CPEB4: variants seen among roughly 807,000 people sequenced by gnomAD.
CPEB4 encodes cytoplasmic polyadenylation element binding protein 4, also known as cytoplasmic polyadenylation element-binding protein 4.
Under a neutral mutation model 72.5 loss-of-function variants are expected in CPEB4, and 12 were observed. That is an observed-to-expected ratio of 0.17 (90% CI 0.11 to 0.27). CPEB4 has a LOEUF of 0.27. CPEB4 is among the 10% of genes least tolerant of loss of function. The probability of loss-of-function intolerance (pLI) is 1.00; values close to 1 mark genes in which losing one functional copy is unlikely to be tolerated. For synonymous variants in CPEB4, 302 were observed against 326.3 expected (o/e 0.93, Z 0.80); for missense variants, 614 against 908.5 (o/e 0.68, Z 4.17).
chr5:173,946,522 C>T (rs1197024982), intron 5 of CPEB4, among the ~76,000 whole-genome samples: 5 of 152,140 alleles, frequency 3.3e-5, no homozygotes, highest in Non-Finnish European at 7.4e-5. Flanking sequence ...AGCAGAAATG[C>T]TGGCTTGCAA....
Position 173,889,919 on chromosome 5 carries a change from T to C in CPEB4, c.186T>C (p.Phe62=). The change falls in exon 1 of 10, where the codon TTT becomes TTC. Residue 62 remains phenylalanine (F), a synonymous_variant. Transcript: ENST00000265085. ...NGSSAGSAWL[F]PAPATHNIQD... ...GCAGTGCTGGGTCAGCTTGGCTTTT[T>C]CCTGCTCCAGCTACCCATAACATTC... The C allele has an allele frequency of 6.2e-7, 1 of 1,614,174 alleles. No homozygotes were observed.
rs1395793587 is a variant in CPEB4 at position 173,889,806 on chromosome 5, C to T, written c.73C>T (p.His25Tyr). The T allele has an allele frequency of 1.2e-6, 2 of 1,614,060 alleles. No individual in the cohort carries two copies. Among genetic ancestry groups the T allele is most frequent in the African/African-American group, 1.3e-5 (1 of 75,028 alleles). ...TAAATCTGCTTTTCCAGTCAGATTC[C>T]ATCCACATCTGCAGCCTCCACACCA... ...GNKSAFPVRF[H>Y]PHLQPPHHHQ... Residue 25 changes from histidine to tyrosine, a missense_variant, in exon 1 of 10, where the codon CAT (histidine) becomes TAT (tyrosine). Coordinates refer to ENST00000265085, the MANE Select transcript of CPEB4 (RefSeq NM_030627.4).
At chr5:173,953,481 A>G in intron 9 of CPEB4, 2 of 422,954 alleles carry the variant, frequency 4.7e-6, no homozygotes, top group Non-Finnish European at 8.3e-6. Context: ...GAACACTACA[A>G]TTTACTTGAG....
chr5:173,897,390 G>A (rs1756054123), intron 1 of CPEB4, among the ~76,000 whole-genome samples: 1 of 152,152 alleles, frequency 6.6e-6, no homozygotes, highest in South Asian at 2.1e-4. Flanking sequence ...TTTGAATTGA[G>A]AATAGTTTGG....
chr5:173,927,449 T>G (rs1180700699), intron 2 of CPEB4, among the ~76,000 whole-genome samples: 1 of 152,070 alleles, frequency 6.6e-6, no homozygotes, highest in Non-Finnish European at 1.5e-5. Flanking sequence ...AGTTGTTGCT[T>G]TGTAGCTACA....
chr5:173,934,994 A>G (rs1005165101), intron 3 of CPEB4, among the ~76,000 whole-genome samples: 1 of 152,228 alleles, frequency 6.6e-6, no homozygotes, highest in Admixed American at 6.5e-5. Flanking sequence ...CAAATCTGGC[A>G]TAATGAATTG....
intron 2 of CPEB4, among the ~76,000 whole-genome samples, chr5:173,924,402 A>G (rs1349277197): frequency 2.0e-5 from 3 of 152,164 alleles, no homozygotes; most frequent in African/African-American, 7.2e-5. Flanking sequence ...CAAGGACACT[A>G]GCAAATTCTC....
At chr5:173,912,863 G>T (rs1441116300) in intron 2 of CPEB4, among the ~76,000 whole-genome samples, 2 of 146,302 alleles carry the variant, frequency 1.4e-5, no homozygotes, top group Non-Finnish European at 3.0e-5. Flanking sequence ...GATCACTTGG[G>T]CCCAGAAGGT....
rs879894576 is a variant in CPEB4 at position 173,955,338 on chromosome 5, C to CT, written c.1963-557dup. ...TAGACTGTGAATCCTATGGCTGCAT[C>CT]TTTTTTTTTTTTTTTAACAGAGTTC... On this transcript the variant is annotated intron_variant, in intron 9 of 9. Transcript: ENST00000265085. This position sits in a 1 kb window ranked among gnomAD's most constrained non-coding sequence, Gnocchi z 4.7. 8.0e-3 allele frequency among the ~76,000 whole-genome samples: 1,134 copies of CT among 141,882 alleles called. 16 individuals are homozygous for CT. The highest frequency in any genetic ancestry group is 0.022 in the African/African-American group (849 of 38,876). The allele number at this position is 141,882 out of a possible 152,430, so 93.1% of individuals were successfully genotyped here.
chr5:173,901,966 G>T (rs538850913), intron 1 of CPEB4, among the ~76,000 whole-genome samples: 1 of 152,294 alleles, frequency 6.6e-6, no homozygotes, highest in Admixed American at 6.5e-5. Flanking sequence ...GGAGACATAA[G>T]GGAAAAGGGA....
chr5:173,949,436 C>A, intron 5 of CPEB4, 72 bp from the exon 6 acceptor site: 3 of 1,131,866 alleles, frequency 2.7e-6, no homozygotes, highest in South Asian at 1.4e-5. Flanking sequence ...AGATTTGAAA[C>A]TTAAAAGAAA....
intron 3 of CPEB4, among the ~76,000 whole-genome samples, chr5:173,942,619 A>G (rs1757885843): frequency 6.6e-6 from 1 of 152,230 alleles, no homozygotes; most frequent in African/African-American, 2.4e-5. Context: ...TGGTGGTGAA[A>G]AAGTCATGAA....
In CPEB4 at chr5:173,955,763, A is replaced by G; in HGVS notation, c.1963-147A>G. ...TTACTAGGTTCTTAAAAGATGAACT[A>G]TCCATATTTCAGTAAATGAATAATT... On this transcript the variant is annotated intron_variant, in intron 9 of 9. Transcript: ENST00000265085. This position sits in a 1 kb window ranked among gnomAD's most constrained non-coding sequence, Gnocchi z 4.7. 1 of 601,120 alleles carries G rather than the reference A, an allele frequency of 1.7e-6. No individual in the cohort carries two copies. The highest frequency in any genetic ancestry group is 2.4e-5 in the South Asian group (1 of 42,500). 37.2% of individuals were successfully genotyped at this position (601,120 alleles called of 1,614,324 possible).
intron 2 of CPEB4, among the ~76,000 whole-genome samples, chr5:173,924,981 C>A (rs570094629): frequency 2.6e-5 from 4 of 152,200 alleles, no homozygotes; most frequent in South Asian, 4.2e-4. Flanking sequence ...TGAATCAAAG[C>A]AAGGATGATG....
chr5:173,940,258 G>A (rs966044860), intron 3 of CPEB4, among the ~76,000 whole-genome samples: 1 of 152,174 alleles, frequency 6.6e-6, no homozygotes, highest in Non-Finnish European at 1.5e-5. Context: ...TTTGGTAACT[G>A]AAGGAAACTT....
intron 1 of CPEB4, among the ~76,000 whole-genome samples, chr5:173,891,797 A>T (rs899599684): frequency 6.6e-6 from 1 of 152,160 alleles, no homozygotes; most frequent in African/African-American, 2.4e-5. Context: ...GTATGATTAT[A>T]TGTGTTTAGG....
intron 1 of CPEB4, among the ~76,000 whole-genome samples, chr5:173,894,600 G>C (rs750446473): frequency 3.5e-5 from 5 of 141,866 alleles, no homozygotes; most frequent in Non-Finnish European, 7.5e-5. Context: ...TAGCCTGGGG[G>C]ACAGAGTGAG....
intron 2 of CPEB4, among the ~76,000 whole-genome samples, chr5:173,917,991 A>G (rs1342751312): frequency 2.1e-4 from 32 of 152,212 alleles, no homozygotes; most frequent in Admixed American, 2.1e-3. Context: ...GTAGCGTAAC[A>G]GGGGAGTGAC....
rs1186069767 is a variant in CPEB4 at position 173,888,830 on chromosome 5, G to T, written c.-904G>T. 3.2e-6 allele frequency: 1 copy of T among 311,918 alleles called. No individual in the cohort carries two copies. Among genetic ancestry groups the T allele is most frequent in the Non-Finnish European group, 5.8e-6 (1 of 172,134 alleles). The allele number at this position is 311,918 out of a possible 1,614,324, so 19.3% of individuals were successfully genotyped here. A position where few individuals can be genotyped will look rare whatever the true frequency, so the allele number is the denominator to read the frequency against. On this transcript the variant is annotated 5_prime_UTR_variant, in exon 1 of 10. Coordinates refer to ENST00000265085, the MANE Select transcript of CPEB4 (RefSeq NM_030627.4). The surrounding 1 kb of genome is among the most constrained non-coding windows in gnomAD (Gnocchi z 4.3). ...GCAGGACCTTCCAGGTCGCCCCCTC[G>T]GTCCCCGCACCCCCAGGCCGCCCGC...
Sources: allele counts gnomAD v4.1 joint callset (sites outside exome capture counted in the v4.1 genomes callset), GRCh38; gene constraint gnomAD v4.1.1; non-coding constraint Gnocchi (gnomAD v3.1); transcripts MANE v1.5; gene names NCBI Gene and HGNC (gene_info 2026-07-23, HGNC 2026-07-21).